Variants in DECR1 observed in about 807,000 individuals in gnomAD.
The protein encoded by DECR1 is 2,4-dienoyl-CoA reductase 1.
DECR1 carries 44 observed loss-of-function variants against 38.8 expected under a neutral mutation model. The ratio of observed to expected loss-of-function variants is 1.13; its 90% CI spans 0.89 to 1.46. The LOEUF is 1.46. Ranked by LOEUF, DECR1 falls within the 40% of genes most tolerant of loss-of-function variation. DECR1 has a pLI of 0.00. For missense variants in DECR1, 428 were observed against 405.5 expected (o/e 1.06, Z -0.48); for synonymous variants, 148 against 135.2 (o/e 1.09, Z -0.66).
chr8:90,024,532 G>C (rs564377272), intron 5 of DECR1, among the ~76,000 whole-genome samples: 2 of 152,310 alleles, frequency 1.3e-5, no homozygotes, highest in African/African-American at 4.8e-5. Context: ...AGAAGTGTCT[G>C]TTCAAATCCT....
intron 1 of DECR1, among the ~76,000 whole-genome samples, chr8:90,015,971 T>C (rs1007175103): frequency 4.6e-5 from 7 of 152,224 alleles, no homozygotes; most frequent in African/African-American, 1.7e-4. Flanking sequence ...TCCTGGCAGG[T>C]GGTAACTACT....
At chr8:90,042,166 A>G (rs1813779528) in intron 6 of DECR1, among the ~76,000 whole-genome samples, 2 of 152,144 alleles carry the variant, frequency 1.3e-5, no homozygotes, top group African/African-American at 4.8e-5. Flanking sequence ...AAGCCTAGTT[A>G]GACATGGATG....
chr8:90,042,714 A>T lies in DECR1; in HGVS notation c.666-14A>T. 1 of 1,609,536 alleles carries T rather than the reference A, an allele frequency of 6.2e-7. No individual in the cohort carries two copies. The highest frequency in any genetic ancestry group is 8.5e-7 in the Non-Finnish European group (1 of 1,176,280). ...TAATATTTCAGAATGTATGTTGTTG[A>T]TTTTAATTTTTAGGTCTCTTGCAGC... On this transcript the variant is annotated splice_polypyrimidine_tract_variant and intron_variant, in intron 6 of 9. Transcript: ENST00000220764.
chr8:90,022,601 AT>A (rs1813191497), intron 5 of DECR1, among the ~76,000 whole-genome samples: 2 of 151,632 alleles, frequency 1.3e-5, no homozygotes, highest in Admixed American at 1.3e-4. Flanking sequence ...AGGAACCTTG[AT>A]CTCTGTATCT....
At chr8:90,032,225 A>T (rs562544061) in intron 5 of DECR1, among the ~76,000 whole-genome samples, 1 of 152,202 alleles carries the variant, frequency 6.6e-6, no homozygotes, top group Admixed American at 6.5e-5. Context: ...TGAAGTGTAT[A>T]TGTTCATGGT....
intron 2 of DECR1, among the ~76,000 whole-genome samples, chr8:90,018,135 G>A (rs1262986027): frequency 6.6e-6 from 1 of 152,184 alleles, no homozygotes; most frequent in Non-Finnish European, 1.5e-5. Context: ...TGATCCACCC[G>A]CCTTGGCCTC....
intron 4 of DECR1, among the ~76,000 whole-genome samples, chr8:90,020,042 C>T (rs867299808): frequency 6.6e-6 from 1 of 152,172 alleles, no homozygotes; most frequent in Non-Finnish European, 1.5e-5. Flanking sequence ...ACATGAAAAA[C>T]TATAAGAAAT....
chr8:90,050,272 T>C (rs1009742400), intron 8 of DECR1, among the ~76,000 whole-genome samples: 14 of 152,192 alleles, frequency 9.2e-5, no homozygotes, highest in African/African-American at 2.9e-4. Context: ...GTTTACAATC[T>C]ACCCATCTGA....
At chr8:90,037,339 A>G (rs1219895687) in intron 6 of DECR1, among the ~76,000 whole-genome samples, 1 of 152,098 alleles carries the variant, frequency 6.6e-6, no homozygotes, top group Non-Finnish European at 1.5e-5. Context: ...CCCCTCTCAT[A>G]AGCACACGTT....
chr8:90,012,779 C>G (rs117701279), intron 1 of DECR1, among the ~76,000 whole-genome samples: 1 of 152,272 alleles, frequency 6.6e-6, no homozygotes, highest in Non-Finnish European at 1.5e-5. Flanking sequence ...CTTAGCAGGC[C>G]AATTTGGAAG....
chr8:90,021,859 A>C (rs929448599), intron 5 of DECR1, among the ~76,000 whole-genome samples: 1 of 152,222 alleles, frequency 6.6e-6, no homozygotes, highest in Admixed American at 6.5e-5. Flanking sequence ...ACTTACTAGG[A>C]GAACATTTTT....
intron 6 of DECR1, among the ~76,000 whole-genome samples, chr8:90,039,202 A>G (rs985078337): frequency 4.6e-5 from 7 of 152,156 alleles, no homozygotes; most frequent in Admixed American, 2.6e-4. Context: ...ATACTGACCC[A>G]TATGCCTTGG....
rs577073819 is a variant in DECR1 at position 90,050,751 on chromosome 8, A to G, written c.886-926A>G. 3.3e-5 allele frequency among the ~76,000 whole-genome samples: 5 copies of G among 152,348 alleles called. No homozygotes were observed. The East Asian group carries it at 9.6e-4, about 29-fold the overall frequency. ...TATGTTTATTGCACTACTATTCACA[A>G]TAGCAAAGACTTGGAACCAACCCAG... On this transcript the variant is annotated intron_variant, in intron 8 of 9. Transcript: ENST00000220764.
intron 8 of DECR1, among the ~76,000 whole-genome samples, chr8:90,047,575 A>G (rs1429989367): frequency 2.0e-5 from 3 of 152,182 alleles, no homozygotes; most frequent in Non-Finnish European, 4.4e-5. Context: ...ACTCCCACAC[A>G]ATAATAATGG....
Position 90,013,321 on chromosome 8 carries a change from A to G in DECR1, c.70-3803A>G, listed in dbSNP as rs866843762. Reference sequence around the variant, plus strand: ...TAATAATGTACCTAGCACACACATTAAACAATGATTTTTGTAGAAATTTGT... The same window carrying G: ...TAATAATGTACCTAGCACACACATTGAACAATGATTTTTGTAGAAATTTGT... On this transcript the variant is annotated intron_variant, in intron 1 of 9. Coordinates refer to ENST00000220764, the MANE Select transcript of DECR1 (RefSeq NM_001359.2). Among the ~76,000 whole-genome samples the G allele has an allele frequency of 2.6e-5, 4 of 152,260 alleles. 1 individual carries two copies. Among genetic ancestry groups the G allele is most frequent in the Non-Finnish European group, 2.9e-5 (2 of 68,034 alleles).
At chr8:90,031,125 G>C (rs1239084781) in intron 5 of DECR1, among the ~76,000 whole-genome samples, 1 of 152,048 alleles carries the variant, frequency 6.6e-6, no homozygotes, top group Non-Finnish European at 1.5e-5. Context: ...TTCCAATCCT[G>C]GTTAATACTT....
intron 1 of DECR1, among the ~76,000 whole-genome samples, chr8:90,003,455 C>A (rs1318068857): frequency 6.6e-6 from 1 of 152,142 alleles, no homozygotes; most frequent in African/African-American, 2.4e-5. Context: ...AAAATACGAG[C>A]CCTGCTCTCA....
intron 6 of DECR1, among the ~76,000 whole-genome samples, chr8:90,041,371 G>T (rs1228568290): frequency 1.3e-5 from 2 of 152,022 alleles, no homozygotes; most frequent in African/African-American, 4.8e-5. Context: ...TGTAGATTCT[G>T]GATATTAGCC....
chr8:90,034,516 A>G (rs1395740214), intron 5 of DECR1, among the ~76,000 whole-genome samples: 1 of 152,100 alleles, frequency 6.6e-6, no homozygotes, highest in Non-Finnish European at 1.5e-5. Flanking sequence ...CACTGGCATC[A>G]TCTCGGCTCA....
Sources: allele counts gnomAD v4.1 joint callset (sites outside exome capture counted in the v4.1 genomes callset), GRCh38; gene constraint gnomAD v4.1.1; transcripts MANE v1.5; gene names NCBI Gene and HGNC (gene_info 2026-07-23, HGNC 2026-07-21).